The following SLC25A40 variants were observed in gnomAD, a reference collection of about 807,000 sequenced individuals.
The protein encoded by SLC25A40 is solute carrier family 25 member 40.
A neutral mutation model predicts 46.5 loss-of-function variants in SLC25A40; 41 were observed. That is an observed-to-expected ratio of 0.88 (90% CI 0.69 to 1.14). SLC25A40 has a LOEUF of 1.14. Among genes scored for constraint, SLC25A40 ranks in the 50% most tolerant of loss-of-function variants. The pLI is 0.00. For missense variants in SLC25A40, 386 were observed against 393.6 expected (o/e 0.98, Z 0.16); for synonymous variants, 126 against 127.5 (o/e 0.99, Z 0.08).
chr7:87,854,251 C>T lies in SLC25A40; in HGVS notation c.217G>A (p.Gly73Ser). 1 of 1,613,382 alleles carries T rather than the reference C, an allele frequency of 6.2e-7. No individual in the cohort carries two copies. The highest frequency in any genetic ancestry group is 8.5e-7 in the Non-Finnish European group (1 of 1,179,556). ...MDHLCVCEEG[G>S]NKLWYKKPGN... ...GGCTTCTTATACCATAGTTTGTTGC[C>T]TCCCTCTTCACAGACACATAGATGA... is the stretch of plus-strand genomic sequence containing the variant. Residue 73 changes from glycine to serine, a missense_variant, in exon 5 of 12, where the codon GGC (glycine) becomes AGC (serine). By Grantham distance (56) the Gly-to-Ser change is moderately conservative. Transcript: ENST00000341119.
intron 1 of SLC25A40, among the ~76,000 whole-genome samples, chr7:87,873,191 C>T (rs2131027197): frequency 6.6e-6 from 1 of 151,372 alleles, no homozygotes; most frequent in Non-Finnish European, 1.5e-5. Context: ...TTGCTATGGA[C>T]AGGAAAAAAT....
chr7:87,848,694 T>A (rs1385543923), intron 6 of SLC25A40, among the ~76,000 whole-genome samples: 1 of 152,206 alleles, frequency 6.6e-6, no homozygotes, highest in Non-Finnish European at 1.5e-5. Context: ...AAAGAAATTA[T>A]TAAAAGGGAA....
intron 1 of SLC25A40, among the ~76,000 whole-genome samples, 162 bp from the exon 2 acceptor site, chr7:87,860,802 T>C (rs141652257): frequency 5.3e-5 from 8 of 152,340 alleles, no homozygotes; most frequent in African/African-American, 1.7e-4. Context: ...ACTCCATAAA[T>C]GCAAGCATTA....
At chr7:87,838,713 C>G (rs990543178) in intron 10 of SLC25A40, among the ~76,000 whole-genome samples, 1 of 151,404 alleles carries the variant, frequency 6.6e-6, no homozygotes, top group African/African-American at 2.4e-5. Flanking sequence ...TACCTCTAAA[C>G]ATATCCAGAT....
chr7:87,844,225 A>G (rs1467856554), intron 8 of SLC25A40, among the ~76,000 whole-genome samples: 5 of 152,178 alleles, frequency 3.3e-5, no homozygotes, highest in African/African-American at 1.2e-4. Flanking sequence ...TTCATAAAAC[A>G]TCATGTACTA....
chr7:87,841,858 G>C, intron 9 of SLC25A40, 144 bp from the exon 10 acceptor site: 1 of 393,468 alleles, frequency 2.5e-6, no homozygotes, highest in Middle Eastern at 3.5e-4. Flanking sequence ...ATATTTTTAA[G>C]TTTTCATTAA....
chr7:87,850,078 T>A (rs572925066), intron 5 of SLC25A40, 130 bp from the exon 6 acceptor site: 1 of 588,606 alleles, frequency 1.7e-6, no homozygotes, highest in Non-Finnish European at 2.9e-6. Context: ...TTTGGATTTA[T>A]GTATGTCCAT....
chr7:87,868,319 A>G (rs964930925), intron 1 of SLC25A40, among the ~76,000 whole-genome samples: 3 of 152,240 alleles, frequency 2.0e-5, no homozygotes, highest in African/African-American at 7.2e-5. Flanking sequence ...ACACCAGAAG[A>G]ATCAACAAAG....
At chr7:87,874,874 C>T (rs184212753) in intron 1 of SLC25A40, among the ~76,000 whole-genome samples, 14 of 152,300 alleles carry the variant, frequency 9.2e-5, no homozygotes, top group African/African-American at 3.4e-4. Context: ...ATTTCATCAA[C>T]GACGCTTATA....
chr7:87,845,365 G>A (rs981855214), intron 8 of SLC25A40, among the ~76,000 whole-genome samples: 8 of 152,110 alleles, frequency 5.3e-5, no homozygotes, highest in Admixed American at 3.3e-4. Flanking sequence ...AGCGGCGGGT[G>A]AGTGAGCATT....
intron 9 of SLC25A40, among the ~76,000 whole-genome samples, chr7:87,842,536 C>T (rs1005905061): frequency 6.6e-6 from 1 of 151,982 alleles, no homozygotes; most frequent in Non-Finnish European, 1.5e-5. Context: ...TGTTGATGTA[C>T]GTTCTTGAAA....
At chr7:87,870,224 C>T (rs981800397) in intron 1 of SLC25A40, among the ~76,000 whole-genome samples, 1 of 150,980 alleles carries the variant, frequency 6.6e-6, no homozygotes, top group African/African-American at 2.4e-5. Flanking sequence ...TGCAAAATAG[C>T]TTATTTTGTG....
chr7:87,843,170 A>ATGTG (rs1437646283), intron 9 of SLC25A40, among the ~76,000 whole-genome samples: 2 of 152,102 alleles, frequency 1.3e-5, no homozygotes, highest in African/African-American at 4.8e-5. Flanking sequence ...GTATAAAAAA[A>ATGTG]ACTGCCAATG....
intron 1 of SLC25A40, among the ~76,000 whole-genome samples, chr7:87,866,893 G>A (rs1253172176): frequency 6.6e-6 from 1 of 152,188 alleles, no homozygotes; most frequent in African/African-American, 2.4e-5. Context: ...TCTTCCCTAA[G>A]AACAAAGAGC....
Position 87,858,941 on chromosome 7 carries a change from C to A in SLC25A40, c.-24-190G>T, listed in dbSNP as rs1037867119. Among the ~76,000 whole-genome samples, 3 of 152,088 alleles carry A rather than the reference C, an allele frequency of 2.0e-5. No individual in the cohort carries two copies. The East Asian group carries it at 5.8e-4, about 29-fold the overall frequency. On this transcript the variant is annotated intron_variant, in intron 2 of 11. Transcript: ENST00000341119. The stretch of plus-strand genomic sequence containing the variant: ...GTCTGTGAACTCAGCCTCATACACA[C>A]TACTAAAAAAACCTCCCCAATAGAG...
intron 1 of SLC25A40, among the ~76,000 whole-genome samples, chr7:87,874,905 T>G (rs1037206187): frequency 1.3e-5 from 2 of 152,256 alleles, no homozygotes; most frequent in Admixed American, 1.3e-4. Flanking sequence ...TTATTTCACA[T>G]GCTCTCCTTG....
intron 9 of SLC25A40, among the ~76,000 whole-genome samples, chr7:87,843,444 C>T (rs1338700793): frequency 6.6e-6 from 1 of 151,944 alleles, no homozygotes; most frequent in Non-Finnish European, 1.5e-5. Context: ...CTAATCAGAG[C>T]ATTTATTGAA....
chr7:87,854,590 A>G (rs1005204587), intron 4 of SLC25A40, among the ~76,000 whole-genome samples: 2 of 152,034 alleles, frequency 1.3e-5, no homozygotes, highest in East Asian at 3.9e-4. Flanking sequence ...AGGCAGGCGG[A>G]TCATGAGGTC....
chr7:87,867,240 A>G (rs1205647529), intron 1 of SLC25A40, among the ~76,000 whole-genome samples: 1 of 152,080 alleles, frequency 6.6e-6, no homozygotes, highest in Non-Finnish European at 1.5e-5. Flanking sequence ...AATTCTTAAG[A>G]TTTGGTCTTT....
Sources: gnomAD v4.1 joint callset for allele counts (sites outside exome capture counted in the v4.1 genomes callset) on GRCh38, gnomAD v4.1.1 for gene constraint, MANE v1.5 for transcripts, NCBI Gene and HGNC (gene_info 2026-07-23, HGNC 2026-07-21) for gene names.